CADM2: variants seen among roughly 807,000 people sequenced by gnomAD.
CADM2 encodes the protein immunoglobulin superfamily member 4D.
Under a neutral mutation model 49.8 loss-of-function variants are expected in CADM2, and 12 were observed. That is an observed-to-expected ratio of 0.24 (90% CI 0.15 to 0.39). The LOEUF is 0.39. Among genes scored for constraint, CADM2 ranks in the 10% least tolerant of loss-of-function variants. The pLI is 1.00. For synonymous variants in CADM2, 214 were observed against 175.4 expected, an observed-to-expected ratio of 1.22 and a Z score of -1.74; for missense variants, 378 against 492.3, an observed-to-expected ratio of 0.77 and a Z score of 2.20.
chr3:85,849,496 A>T (rs1333196657), intron 3 of CADM2, among the ~76,000 whole-genome samples: 1 of 152,200 alleles, frequency 6.6e-6, no homozygotes, highest in Non-Finnish European at 1.5e-5. Flanking sequence ...CCCAAAAAAT[A>T]CTTCTAGCTT....
At chr3:85,572,184 C>T (rs866426357) in intron 1 of CADM2, among the ~76,000 whole-genome samples, 35 of 152,104 alleles carry the variant, frequency 2.3e-4, no homozygotes, top group Non-Finnish European at 8.8e-5. Context: ...GGAATCTCAG[C>T]TACTGGGAAG....
chr3:85,777,558 A>G (rs570563371), intron 2 of CADM2, among the ~76,000 whole-genome samples: 6 of 152,212 alleles, frequency 3.9e-5, no homozygotes, highest in Non-Finnish European at 5.9e-5. Context: ...CTGGCCTGCT[A>G]TATTTTAAAC....
At chr3:85,441,782 G>T (rs778772592) in intron 1 of CADM2, among the ~76,000 whole-genome samples, 18 of 152,012 alleles carry the variant, frequency 1.2e-4, no homozygotes, top group Non-Finnish European at 2.2e-4. Flanking sequence ...AGAGTGGGAG[G>T]TTATGACACG....
At chr3:85,184,598 T>A (rs1240888847) in intron 1 of CADM2, among the ~76,000 whole-genome samples, 1 of 152,074 alleles carries the variant, frequency 6.6e-6, no homozygotes, top group Admixed American at 6.6e-5. Context: ...TTAAAAGGAA[T>A]TTGAGACATG....
intron 1 of CADM2, among the ~76,000 whole-genome samples, chr3:85,599,782 C>T (rs941136040): frequency 4.0e-5 from 6 of 151,668 alleles, no homozygotes; most frequent in Admixed American, 2.0e-4. Context: ...GCAAAAATAA[C>T]GATAAATTTT....
In CADM2 at chr3:86,039,034, G is replaced by A. The variant is rs149649842; in HGVS notation, c.971-26571G>A. The stretch of plus-strand genomic sequence containing the variant: ...CTCTCTATATGTCCGTACTCTTTTA[G>A]CCCCTGTTAGGGTCTTTCTATCATT... On this transcript the variant is annotated intron_variant, in intron 8 of 9. Coordinates refer to ENST00000383699, the MANE Select transcript of CADM2 (RefSeq NM_001167675.2). 3.0e-3 allele frequency among the ~76,000 whole-genome samples: 460 copies of A among 152,250 alleles called. 3 individuals carry two copies. The highest frequency in any genetic ancestry group is 1.0e-2 in the African/African-American group (414 of 41,552).
At chr3:85,368,654 C>A (rs2032976397) in intron 1 of CADM2, among the ~76,000 whole-genome samples, 1 of 151,764 alleles carries the variant, frequency 6.6e-6, no homozygotes. Context: ...CAAATATCTT[C>A]TAGAAATGTA....
chr3:85,471,391 C>T (rs1402444683), intron 1 of CADM2, among the ~76,000 whole-genome samples: 2 of 152,234 alleles, frequency 1.3e-5, no homozygotes, highest in Non-Finnish European at 2.9e-5. Context: ...TCAACACAAA[C>T]TTAATAACAA....
At chr3:85,033,227 A>T (rs1393983959) in intron 1 of CADM2, among the ~76,000 whole-genome samples, 5 of 152,180 alleles carry the variant, frequency 3.3e-5, no homozygotes, top group South Asian at 4.1e-4. Flanking sequence ...AGCTGCCAAC[A>T]GTAATTAAAA....
At chr3:85,833,731 G>A (rs2074284646) in intron 3 of CADM2, among the ~76,000 whole-genome samples, 1 of 151,530 alleles carries the variant, frequency 6.6e-6, no homozygotes, top group South Asian at 2.1e-4. Flanking sequence ...TTTTATGCCA[G>A]CAACATACTA....
intron 8 of CADM2, among the ~76,000 whole-genome samples, chr3:86,031,249 G>T (rs1432021934): frequency 6.6e-6 from 1 of 151,752 alleles, no homozygotes; most frequent in Non-Finnish European, 1.5e-5. Flanking sequence ...TGACCAAGAT[G>T]AAAATTGATA....
At chr3:85,123,712 C>T (rs760866329) in intron 1 of CADM2, among the ~76,000 whole-genome samples, 1 of 152,036 alleles carries the variant, frequency 6.6e-6, no homozygotes, top group Non-Finnish European at 1.5e-5. Flanking sequence ...CACACACATA[C>T]ACATACACAT....
chr3:86,054,103 A>G (rs1256088847), intron 8 of CADM2, among the ~76,000 whole-genome samples: 2 of 152,016 alleles, frequency 1.3e-5, no homozygotes, highest in South Asian at 2.1e-4. Flanking sequence ...AACTTAGTAC[A>G]TGAAAAAGCA....
chr3:85,452,423 C>A, intron 1 of CADM2, among the ~76,000 whole-genome samples: 1 of 152,228 alleles, frequency 6.6e-6, no homozygotes, highest in South Asian at 2.1e-4. Context: ...TGAAGAAACA[C>A]TTTATAATAT....
intron 3 of CADM2, among the ~76,000 whole-genome samples, chr3:85,861,563 A>G (rs1226242954): frequency 2.0e-5 from 3 of 152,170 alleles, no homozygotes; most frequent in African/African-American, 7.2e-5. Context: ...AGTTGTGTAC[A>G]TCCCCTGGAG....
At chr3:85,343,937 T>C (rs897122291) in intron 1 of CADM2, among the ~76,000 whole-genome samples, 1 of 152,208 alleles carries the variant, frequency 6.6e-6, no homozygotes, top group Non-Finnish European at 1.5e-5. Flanking sequence ...ATCTCTTCTT[T>C]AGACACTGCA....
chr3:85,358,364 G>A (rs1247969616), intron 1 of CADM2, among the ~76,000 whole-genome samples: 4 of 151,476 alleles, frequency 2.6e-5, no homozygotes, highest in Admixed American at 6.6e-5. Context: ...CTTATTAACC[G>A]CAGAATGTTA....
At chr3:85,925,481 G>A (rs950425922) in intron 6 of CADM2, among the ~76,000 whole-genome samples, 22 of 152,030 alleles carry the variant, frequency 1.4e-4, no homozygotes, top group Non-Finnish European at 3.1e-4. Flanking sequence ...TTTTACTACA[G>A]AATTACAAAC....
At chr3:85,550,177 T>C (rs1459430019) in intron 1 of CADM2, among the ~76,000 whole-genome samples, 2 of 152,184 alleles carry the variant, frequency 1.3e-5, no homozygotes, top group Admixed American at 1.3e-4. Context: ...GCCCCTGCGT[T>C]TCTGCTCTAG....
Sources: gnomAD v4.1 joint callset for allele counts (sites outside exome capture counted in the v4.1 genomes callset) on GRCh38, gnomAD v4.1.1 for gene constraint, MANE v1.5 for transcripts, NCBI Gene and HGNC (gene_info 2026-07-23, HGNC 2026-07-21) for gene names.